Variants in TCERG1L observed in about 807,000 individuals in gnomAD.
The protein encoded by TCERG1L is transcription elongation regulator 1 like, also known as transcription elongation regulator 1-like protein.
A neutral mutation model predicts 56.3 loss-of-function variants in TCERG1L; 37 were observed. That is an observed-to-expected ratio of 0.66 (90% CI 0.51 to 0.87). TCERG1L has a LOEUF of 0.87. TCERG1L is among the 40% of genes least tolerant of loss of function. The pLI, the probability that TCERG1L is intolerant of heterozygous loss-of-function variation, is 0.00. For synonymous variants in TCERG1L, 324 were observed against 326.3 expected, an observed-to-expected ratio of 0.99 and a Z score of 0.08; for missense variants, 799 against 774.2, an observed-to-expected ratio of 1.03 and a Z score of -0.38.
intron 7 of TCERG1L, among the ~76,000 whole-genome samples, chr10:131,138,088 G>A (rs1251555239): frequency 6.6e-6 from 1 of 152,196 alleles, no homozygotes; most frequent in Non-Finnish European, 1.5e-5. Context: ...GGCCAACATG[G>A]TGAAACCCCG....
intron 4 of TCERG1L, among the ~76,000 whole-genome samples, chr10:131,225,787 G>A (rs929488744): frequency 6.6e-6 from 1 of 151,790 alleles, no homozygotes; most frequent in African/African-American, 2.4e-5. Flanking sequence ...CTAGGTTTCC[G>A]ATAAACGCAA....
At chr10:131,128,022 A>C (rs998765322) in intron 8 of TCERG1L, among the ~76,000 whole-genome samples, 3 of 152,238 alleles carry the variant, frequency 2.0e-5, no homozygotes, top group African/African-American at 7.2e-5. Context: ...TAGTAAAAGA[A>C]AAAAATAGAT....
At chr10:131,217,791 G>A (rs534608874) in intron 4 of TCERG1L, among the ~76,000 whole-genome samples, 7 of 139,548 alleles carry the variant, frequency 5.0e-5, no homozygotes, top group African/African-American at 1.7e-4. Flanking sequence ...GCACAATCTC[G>A]GCTCACTGCA....
chr10:131,221,576 A>G (rs1845732192), intron 4 of TCERG1L, among the ~76,000 whole-genome samples: 1 of 152,212 alleles, frequency 6.6e-6, no homozygotes, highest in South Asian at 2.1e-4. Flanking sequence ...CACTCAGAAG[A>G]TAACACGCTT....
chr10:131,225,691 A>G (rs538019633), intron 4 of TCERG1L, among the ~76,000 whole-genome samples: 3 of 152,160 alleles, frequency 2.0e-5, no homozygotes, highest in Non-Finnish European at 4.4e-5. Context: ...CAGAATGAGA[A>G]GGCTCTCCAC....
rs183195973 is a variant in TCERG1L at position 131,133,623 on chromosome 10, T to C, written c.1259+756A>G. On this transcript the variant is annotated intron_variant, in intron 8 of 11. Transcript: ENST00000368642. ...AACATGGGGCCCAGCAGCCACAACA[T>C]TCCTTCCGTCTCCCTGTTCTGGGGA... is the stretch of plus-strand genomic sequence containing the variant. Among the ~76,000 whole-genome samples the C allele has an allele frequency of 7.3e-4, 111 of 152,250 alleles. 1 individual carries two copies. The East Asian group carries it at 0.019, about 26-fold the overall frequency.
intron 4 of TCERG1L, among the ~76,000 whole-genome samples, chr10:131,195,831 C>T (rs117216979): frequency 4.2e-3 from 637 of 152,364 alleles, no homozygotes; most frequent in Admixed American, 7.6e-3. Context: ...GTGGAGACCA[C>T]GCTCGGCCTG....
intron 4 of TCERG1L, among the ~76,000 whole-genome samples, chr10:131,191,750 A>G (rs1345095312): frequency 7.2e-6 from 1 of 138,582 alleles, no homozygotes; most frequent in African/African-American, 2.8e-5. Context: ...TTGTAGTCCC[A>G]GCTACTCGGG....
Position 131,187,240 on chromosome 10 carries a change from C to G in TCERG1L, c.857-20355G>C, listed in dbSNP as rs534367518. 2.6e-5 allele frequency among the ~76,000 whole-genome samples: 4 copies of G among 152,360 alleles called. No homozygotes were observed. In the South Asian group the frequency reaches 8.3e-4, roughly 32 times the overall value. On this transcript the variant is annotated intron_variant, in intron 4 of 11. Transcript: ENST00000368642. ...AAATCACCACTACCCAGCCACCACC[C>G]CAGCTCCTGGTGCATGATGGTCTAT...
chr10:131,308,129 G>A, intron 3 of TCERG1L, 82 bp downstream of exon 3: 1 of 1,238,418 alleles, frequency 8.1e-7, no homozygotes, highest in Non-Finnish European at 1.1e-6. Flanking sequence ...TTAAAATGAT[G>A]AGTATGGTTT....
chr10:131,131,660 A>C (rs770226483), intron 8 of TCERG1L, among the ~76,000 whole-genome samples: 1 of 152,208 alleles, frequency 6.6e-6, no homozygotes, highest in Non-Finnish European at 1.5e-5. Context: ...CCATCTGTGC[A>C]TGAGTGCCCA....
intron 3 of TCERG1L, among the ~76,000 whole-genome samples, chr10:131,274,370 A>T (rs1462957960): frequency 1.3e-5 from 2 of 152,242 alleles, no homozygotes; most frequent in African/African-American, 4.8e-5. Context: ...GCACTTGTTC[A>T]GTTTTGCTCA....
intron 4 of TCERG1L, among the ~76,000 whole-genome samples, chr10:131,258,816 CT>C (rs1846203179): frequency 6.6e-6 from 1 of 152,108 alleles, no homozygotes; most frequent in South Asian, 2.1e-4. Flanking sequence ...GTTATGTCAC[CT>C]TATAAATCAT....
At chr10:131,235,332 T>C (rs1845902155) in intron 4 of TCERG1L, among the ~76,000 whole-genome samples, 1 of 152,206 alleles carries the variant, frequency 6.6e-6, no homozygotes, top group South Asian at 2.1e-4. Context: ...ATGCAGGGAA[T>C]GGCTCTTCGT....
intron 7 of TCERG1L, among the ~76,000 whole-genome samples, chr10:131,138,444 G>A (rs1375962666): frequency 2.0e-5 from 3 of 152,176 alleles, no homozygotes; most frequent in East Asian, 1.9e-4. Context: ...CCACATCAGC[G>A]ATCTCTGGGA....
chr10:131,102,677 G>A (rs1282174896), intron 10 of TCERG1L, among the ~76,000 whole-genome samples: 2 of 151,946 alleles, frequency 1.3e-5, no homozygotes, highest in Non-Finnish European at 2.9e-5. Flanking sequence ...CCCCTTCCAC[G>A]TGCATCATTT....
At position 131,260,291 on chromosome 10, in the gene TCERG1L, A is replaced by G. The variant is rs746436079; in HGVS notation, c.824T>C (p.Ile275Thr). The change falls in exon 4 of 12, where the codon ATC (isoleucine) becomes ACC (threonine). Residue 275 changes from isoleucine to threonine, a missense_variant. Transcript: ENST00000368642. This position sits in a 1 kb window ranked among gnomAD's most constrained non-coding sequence, Gnocchi z 5.8. ...GGGGGACGTCCGGAGGGGTATTTTG[A>G]TGGGTGCCAAGGTCAGGAAGTGGCG... is the stretch of plus-strand genomic sequence containing the variant. ...QPRHFLTLAP[I>T]KIPLRTSPVS... is the part of the protein sequence containing the mutation. 1.4e-6 allele frequency: 2 copies of G among 1,413,658 alleles called. No homozygotes were observed. Among genetic ancestry groups the G allele is most frequent in the Middle Eastern group, 2.0e-4 (1 of 5,084 alleles). The allele number at this position is 1,413,658 out of a possible 1,614,324, so 87.6% of individuals were successfully genotyped here. A position where few individuals can be genotyped will look rare whatever the true frequency, so the allele number is the denominator to read the frequency against.
chr10:131,308,462 A>T (rs1846839218), intron 2 of TCERG1L, 71 bp from the exon 3 acceptor site: 6 of 1,339,656 alleles, frequency 4.5e-6, no homozygotes, highest in Non-Finnish European at 5.2e-6. Flanking sequence ...GACCATGAAA[A>T]TATTTGTGTT....
intron 4 of TCERG1L, among the ~76,000 whole-genome samples, chr10:131,208,829 G>A (rs900759884): frequency 8.6e-5 from 13 of 152,044 alleles, no homozygotes; most frequent in African/African-American, 2.7e-4. Flanking sequence ...AGACCGAGGC[G>A]GACGGATCAC....
Sources: allele counts gnomAD v4.1 joint callset (sites outside exome capture counted in the v4.1 genomes callset), GRCh38; gene constraint gnomAD v4.1.1; non-coding constraint Gnocchi (gnomAD v3.1); transcripts MANE v1.5; gene names NCBI Gene and HGNC (gene_info 2026-07-23, HGNC 2026-07-21).